Variants in KIAA2012 observed in about 807,000 individuals in gnomAD.
KIAA2012 encodes uncharacterized protein KIAA2012.
Under a neutral mutation model 150.6 loss-of-function variants are expected in KIAA2012, and 125 were observed. The observed-to-expected ratio is 0.83, with a 90% CI of 0.72 to 0.96. The LOEUF (loss-of-function observed/expected upper bound fraction) is 0.96. KIAA2012 is among the 40% of genes least tolerant of loss of function. The pLI is 0.00. For missense variants in KIAA2012, 1,219 were observed against 1,354.9 expected, an observed-to-expected ratio of 0.90 and a Z score of 1.57; for synonymous variants, 462 against 504.7, an observed-to-expected ratio of 0.92 and a Z score of 1.13.
chr2:202,163,781 AT>A (rs902559663), intron 14 of KIAA2012, among the ~76,000 whole-genome samples: 108 of 106,384 alleles, frequency 1.0e-3, no homozygotes, highest in African/African-American at 3.3e-3. Context: ...TATTCAGGGA[AT>A]TTTTTTTTTT....
chr2:202,127,289 A>C (rs1461707961), intron 12 of KIAA2012, among the ~76,000 whole-genome samples: 3 of 152,206 alleles, frequency 2.0e-5, no homozygotes, highest in African/African-American at 7.2e-5. Context: ...CTAACCTTGG[A>C]TTAAGAAGTA....
intron 12 of KIAA2012, among the ~76,000 whole-genome samples, chr2:202,133,523 T>A (rs1390271803): frequency 6.6e-6 from 1 of 152,180 alleles, no homozygotes; most frequent in Non-Finnish European, 1.5e-5. Flanking sequence ...TATCCCAAAT[T>A]GGAAGAAAAA....
At chr2:202,082,127 G>T (rs1035866488) in intron 2 of KIAA2012, among the ~76,000 whole-genome samples, 6 of 152,132 alleles carry the variant, frequency 3.9e-5, no homozygotes, top group Non-Finnish European at 8.8e-5. Flanking sequence ...CTTTTCTAAA[G>T]AAATATCTAT....
At chr2:202,136,627 T>C (rs1691068976) in intron 12 of KIAA2012, 1 of 152,340 alleles carries the variant, frequency 6.6e-6, no homozygotes, top group African/African-American at 2.4e-5. Context: ...CCAGCAGGCG[T>C]CGGCCGCGAC....
intron 13 of KIAA2012, among the ~76,000 whole-genome samples, chr2:202,145,378 T>C (rs181533774): frequency 4.7e-4 from 72 of 152,294 alleles, no homozygotes; most frequent in African/African-American, 1.7e-3. Context: ...ACAGGATTAC[T>C]TTGTCTGCCC....
In KIAA2012 at chr2:202,139,672, C is replaced by A. The variant is rs967488511; in HGVS notation, c.1908+1164C>A. On this transcript the variant is annotated intron_variant, in intron 13 of 23. Coordinates refer to ENST00000498697, the MANE Select transcript of KIAA2012 (RefSeq NM_001277372.4). ...GGGTCAGGCCTCCACTGAGGTGAAA[C>A]GCAGCTGAGCGGCTCCTCCCTGCTG... Among the ~76,000 whole-genome samples the A allele has an allele frequency of 6.0e-4, 91 of 152,212 alleles. 6 individuals are homozygous for A. Among genetic ancestry groups the A allele is most frequent in the Non-Finnish European group, 4.4e-5 (3 of 68,034 alleles).
chr2:202,143,711 G>A (rs988139268), intron 13 of KIAA2012, among the ~76,000 whole-genome samples: 3 of 152,200 alleles, frequency 2.0e-5, no homozygotes, highest in Admixed American at 1.3e-4. Context: ...CAACACCATA[G>A]CACCATTATT....
intron 13 of KIAA2012, among the ~76,000 whole-genome samples, chr2:202,153,670 T>C (rs11895431): frequency 0.021 from 3,136 of 152,336 alleles, 108 homozygotes; most frequent in African/African-American, 0.07. Context: ...CACCTTCAGA[T>C]GTACTTATGT....
intron 14 of KIAA2012, among the ~76,000 whole-genome samples, chr2:202,155,466 G>T (rs1691508045): frequency 1.3e-5 from 2 of 152,056 alleles, no homozygotes; most frequent in Admixed American, 1.3e-4. Flanking sequence ...CTGGTTTAGG[G>T]CCCCTTTCCT....
intron 11 of KIAA2012, among the ~76,000 whole-genome samples, chr2:202,124,048 C>T (rs192740579): frequency 1.9e-3 from 288 of 152,118 alleles, no homozygotes; most frequent in Admixed American, 5.2e-3. Context: ...AAAAATTAGC[C>T]GGGTGTTGGT....
intron 14 of KIAA2012, among the ~76,000 whole-genome samples, chr2:202,156,487 T>C (rs6754153): frequency 0.032 from 4,883 of 152,124 alleles, 230 homozygotes; most frequent in African/African-American, 0.11. Context: ...GATACATCAG[T>C]AAACAAAACA....
chr2:202,155,379 C>T (rs1303167614), intron 14 of KIAA2012, among the ~76,000 whole-genome samples: 8 of 152,190 alleles, frequency 5.3e-5, no homozygotes, highest in African/African-American at 9.7e-5. Flanking sequence ...ACCCCAGCAT[C>T]GAACACAGTG....
At chr2:202,083,428 G>A (rs1019146694) in intron 2 of KIAA2012, among the ~76,000 whole-genome samples, 2 of 151,396 alleles carry the variant, frequency 1.3e-5, no homozygotes, top group Non-Finnish European at 2.9e-5. Flanking sequence ...CCCAAGGCTG[G>A]CTCCAGTCAC....
intron 1 of KIAA2012, among the ~76,000 whole-genome samples, chr2:202,074,595 C>T (rs533851998): frequency 6.6e-5 from 10 of 152,250 alleles, no homozygotes; most frequent in African/African-American, 1.9e-4. Context: ...TACTTGCATA[C>T]CAGGAAACTT....
chr2:202,181,231 A>AAG (rs1298082568), intron 15 of KIAA2012, among the ~76,000 whole-genome samples: 1 of 152,110 alleles, frequency 6.6e-6, no homozygotes, highest in Non-Finnish European at 1.5e-5. Flanking sequence ...CAGCCTCCCA[A>AAG]AGTCCTGGGA....
At chr2:202,083,465 C>G (rs1264279712) in intron 2 of KIAA2012, among the ~76,000 whole-genome samples, 2 of 149,048 alleles carry the variant, frequency 1.3e-5, no homozygotes, top group Non-Finnish European at 3.0e-5. Flanking sequence ...CGACAATGAT[C>G]AGTCACCGTG....
intron 22 of KIAA2012, among the ~76,000 whole-genome samples, chr2:202,199,783 T>C (rs1692479548): frequency 6.6e-6 from 1 of 152,176 alleles, no homozygotes. Flanking sequence ...CCAGGAATTT[T>C]GGGGGACCAA....
At chr2:202,175,199 T>C (rs1233553479) in intron 15 of KIAA2012, among the ~76,000 whole-genome samples, 1 of 152,236 alleles carries the variant, frequency 6.6e-6, no homozygotes, top group Non-Finnish European at 1.5e-5. Flanking sequence ...TAGTGTAGTT[T>C]AACATGTTTC....
At position 202,099,598 on chromosome 2, in the gene KIAA2012, T is replaced by C. The variant is rs773454631; in HGVS notation, c.829-15T>C. The C allele has an allele frequency of 1.9e-6, 3 of 1,541,202 alleles. No homozygotes were observed. Among genetic ancestry groups the C allele is most frequent in the Non-Finnish European group, 2.6e-6 (3 of 1,141,544 alleles). ...GACAGCCTGTTTACAGGAATGTGTATCTGTCGTTCCCTAGGACACGTCAAT... is the reference window on the plus strand; with the variant it reads ...GACAGCCTGTTTACAGGAATGTGTACCTGTCGTTCCCTAGGACACGTCAAT... On this transcript the variant is annotated splice_polypyrimidine_tract_variant and intron_variant, in intron 5 of 23. Coordinates refer to ENST00000498697, the MANE Select transcript of KIAA2012 (RefSeq NM_001277372.4).
Sources: allele counts gnomAD v4.1 joint callset (sites outside exome capture counted in the v4.1 genomes callset), GRCh38; gene constraint gnomAD v4.1.1; transcripts MANE v1.5; gene names NCBI Gene and HGNC (gene_info 2026-07-23, HGNC 2026-07-21).